RALYL: variants seen among roughly 807,000 people sequenced by gnomAD.
The protein encoded by RALYL is RALY RNA binding protein like, also known as RNA-binding Raly-like protein.
A neutral mutation model predicts 35.1 loss-of-function variants in RALYL; 29 were observed. That is an observed-to-expected ratio of 0.83 (90% CI 0.61 to 1.13). The LOEUF is 1.13. Among genes scored for constraint, RALYL ranks in the 50% most tolerant of loss-of-function variants. The pLI is 0.00. For synonymous variants in RALYL, 120 were observed against 127.6 expected (o/e 0.94, Z 0.40); for missense variants, 359 against 360.4 (o/e 1.00, Z 0.03).
chr8:84,824,435 G>T (rs926139646), intron 4 of RALYL, among the ~76,000 whole-genome samples: 10 of 152,010 alleles, frequency 6.6e-5, no homozygotes, highest in Non-Finnish European at 1.2e-4. Flanking sequence ...TGGCCAGACT[G>T]CCCAAAGCAA....
intron 1 of RALYL, among the ~76,000 whole-genome samples, chr8:84,199,125 G>T (rs1490508759): frequency 2.6e-5 from 4 of 152,040 alleles, no homozygotes; most frequent in East Asian, 1.9e-4. Flanking sequence ...GTATACAAGG[G>T]TTCCCTTTTC....
intron 2 of RALYL, among the ~76,000 whole-genome samples, chr8:84,723,936 T>C (rs1220632644): frequency 1.3e-5 from 2 of 151,824 alleles, no homozygotes; most frequent in African/African-American, 2.4e-5. Flanking sequence ...TCCAGTAAAC[T>C]ATAATCATTA....
intron 1 of RALYL, among the ~76,000 whole-genome samples, chr8:84,298,458 C>G (rs1840180294): frequency 6.6e-6 from 1 of 152,036 alleles, no homozygotes; most frequent in African/African-American, 2.4e-5. Flanking sequence ...GTTACTGTAG[C>G]CTTGGAGTAT....
At chr8:84,395,076 C>T (rs1168587659) in intron 1 of RALYL, among the ~76,000 whole-genome samples, 1 of 151,682 alleles carries the variant, frequency 6.6e-6, no homozygotes, top group African/African-American at 2.4e-5. Flanking sequence ...TAAATATTAC[C>T]ATAACTCATA....
At chr8:84,361,453 G>A (rs187714434) in intron 1 of RALYL, among the ~76,000 whole-genome samples, 230 of 152,250 alleles carry the variant, frequency 1.5e-3, no homozygotes, top group Non-Finnish European at 2.1e-3. Flanking sequence ...GAAGAAACTG[G>A]GACAACAGAC....
chr8:84,369,930 C>T (rs770018618), intron 1 of RALYL, among the ~76,000 whole-genome samples: 2 of 152,100 alleles, frequency 1.3e-5, no homozygotes, highest in Non-Finnish European at 2.9e-5. Flanking sequence ...TCAAAACAGA[C>T]GGATTAGAGA....
intron 8 of RALYL, 95 bp from the exon 9 acceptor site, chr8:84,920,799 C>T (rs28592585): frequency 0.29 from 136,255 of 470,182 alleles, 22,468 homozygotes; most frequent in East Asian, 0.64. Context: ...TTCCCCTGAT[C>T]TAACCTTAAA....
chr8:84,419,317 C>A (rs966871761), intron 1 of RALYL, among the ~76,000 whole-genome samples: 1 of 152,118 alleles, frequency 6.6e-6, no homozygotes, highest in African/African-American at 2.4e-5. Context: ...GTCTGTCAAT[C>A]CCATTCTGCT....
At chr8:84,431,762 G>C (rs1229952304) in intron 1 of RALYL, among the ~76,000 whole-genome samples, 1 of 152,092 alleles carries the variant, frequency 6.6e-6, no homozygotes, top group Non-Finnish European at 1.5e-5. Flanking sequence ...ATTCCATTGT[G>C]TGTCTTTACC....
intron 1 of RALYL, among the ~76,000 whole-genome samples, chr8:84,232,983 T>C (rs1284683934): frequency 6.6e-6 from 1 of 152,072 alleles, no homozygotes; most frequent in Admixed American, 6.6e-5. Flanking sequence ...TTGTATTTTC[T>C]TTTTTTCTTT....
At chr8:84,827,005 A>G (rs1045924685) in intron 4 of RALYL, among the ~76,000 whole-genome samples, 2 of 152,174 alleles carry the variant, frequency 1.3e-5, no homozygotes, top group African/African-American at 4.8e-5. Context: ...CAATAGGAAA[A>G]TGTATCTACA....
chr8:84,673,190 A>C (rs2131849842), intron 2 of RALYL, among the ~76,000 whole-genome samples: 1 of 151,986 alleles, frequency 6.6e-6, no homozygotes, highest in African/African-American at 2.4e-5. Context: ...ATGTCTGTTC[A>C]TGTTATTTGC....
chr8:84,689,441 G>T (rs374762371), intron 2 of RALYL, among the ~76,000 whole-genome samples: 153 of 152,190 alleles, frequency 1.0e-3, no homozygotes, highest in Middle Eastern at 3.4e-3. Flanking sequence ...TATTCCATGG[G>T]GTATATGTGC....
At chr8:84,627,522 T>C (rs1031737974) in intron 2 of RALYL, among the ~76,000 whole-genome samples, 3 of 150,276 alleles carry the variant, frequency 2.0e-5, no homozygotes, top group Admixed American at 6.7e-5. Context: ...CTTTAATACA[T>C]ACAGCATTTC....
Position 84,790,274 on chromosome 8 carries a change from G to A in RALYL, c.333-14496G>A, listed in dbSNP as rs551635483. On this transcript the variant is annotated intron_variant, in intron 3 of 8. Transcript: ENST00000521268. ...AGAGCCAAGACAGCCAAATTTTAGG[G>A]ACAAACCAAATTGGTGGCAAGAGAG... 4.6e-5 allele frequency among the ~76,000 whole-genome samples: 7 copies of A among 152,272 alleles called. No individual in the cohort carries two copies. In the East Asian group the frequency reaches 9.6e-4, roughly 21 times the overall value.
At chr8:84,248,013 G>T (rs1011903490) in intron 1 of RALYL, among the ~76,000 whole-genome samples, 3 of 152,070 alleles carry the variant, frequency 2.0e-5, no homozygotes, top group Admixed American at 6.6e-5. Flanking sequence ...TTGTGCTTAA[G>T]TTTACTAAAC....
chr8:84,277,337 TG>T, intron 1 of RALYL, among the ~76,000 whole-genome samples: 1 of 152,114 alleles, frequency 6.6e-6, no homozygotes, highest in East Asian at 1.9e-4. Flanking sequence ...GAGAACAGTA[TG>T]GGGGAAACTG....
intron 8 of RALYL, among the ~76,000 whole-genome samples, chr8:84,895,637 C>T (rs776552737): frequency 2.6e-5 from 4 of 152,038 alleles, no homozygotes; most frequent in Admixed American, 6.6e-5. Context: ...CTCAGCCTCC[C>T]GAGTAGCTGG....
intron 1 of RALYL, among the ~76,000 whole-genome samples, chr8:84,400,630 G>A (rs1357667339): frequency 6.6e-6 from 1 of 152,156 alleles, no homozygotes; most frequent in Non-Finnish European, 1.5e-5. Context: ...TTTTGTAGGT[G>A]ATTGTGCCAG....
Sources: gnomAD v4.1 joint callset for allele counts (sites outside exome capture counted in the v4.1 genomes callset) on GRCh38, gnomAD v4.1.1 for gene constraint, MANE v1.5 for transcripts, NCBI Gene and HGNC (gene_info 2026-07-23, HGNC 2026-07-21) for gene names.